Variants in HNRNPH3 observed in about 807,000 individuals in gnomAD.
HNRNPH3 encodes heterogeneous nuclear ribonucleoprotein 2H9.
In HNRNPH3, 7 loss-of-function variants were observed where a neutral mutation model predicts 47.0. That is an observed-to-expected ratio of 0.15 (90% CI 0.08 to 0.28). The LOEUF (loss-of-function observed/expected upper bound fraction) is 0.28. Among genes scored for constraint, HNRNPH3 ranks in the 10% least tolerant of loss-of-function variants. The pLI is 1.00. For missense variants in HNRNPH3, 279 were observed against 449.6 expected (o/e 0.62, Z 3.43); for synonymous variants, 120 against 143.2 (o/e 0.84, Z 1.16).
chr10:68,338,727 C>T, intron 4 of HNRNPH3, 40 bp downstream of exon 4: 1 of 1,448,100 alleles, frequency 6.9e-7, no homozygotes, highest in Non-Finnish European at 9.3e-7. Flanking sequence ...TTGTCATTTT[C>T]TTAATGTTCC....
At chr10:68,338,326 TA>T in intron 3 of HNRNPH3, 176 bp from the exon 4 acceptor site, 1 of 471,372 alleles carries the variant, frequency 2.1e-6, no homozygotes, top group Non-Finnish European at 3.7e-6. Context: ...AATTTCTTTG[TA>T]AAACTTAAAT....
intron 8 of HNRNPH3, 22 bp downstream of exon 8, chr10:68,341,702 T>C (rs369776657): frequency 6.9e-6 from 11 of 1,596,972 alleles, no homozygotes; most frequent in East Asian, 2.2e-5. Flanking sequence ...TTTTAAAATA[T>C]GCAGGGTTAG....
chr10:68,341,266 T>G lies in HNRNPH3; in HGVS notation c.732T>G (p.His244Gln). ...TGEADVEFVT[H>Q]EDAVAAMSKD... ...AAGCAGATGTAGAGTTTGTGACACA[T>G]GAAGATGCAGTAGCTGCCATGTCTA... is the stretch of plus-strand genomic sequence containing the variant. The change falls in exon 7 of 10, where the codon CAT becomes CAG. Residue 244 changes from histidine (H) to glutamine (Q), a missense_variant. By Grantham distance (24) the His-to-Gln change is conservative. Around this residue, in one of 2 missense-constraint regions of HNRNPH3, gnomAD observed 239 missense variants for 335.8 expected, o/e 0.71. Transcript: ENST00000265866. The G allele has an allele frequency of 6.2e-7, 1 of 1,606,690 alleles. No individual in the cohort carries two copies. Among genetic ancestry groups the G allele is most frequent in the Non-Finnish European group, 8.5e-7 (1 of 1,178,242 alleles).
chr10:68,331,926 A>C (rs988888365), upstream of HNRNPH3: 1 of 152,252 alleles, frequency 6.6e-6, no homozygotes, highest in African/African-American at 2.4e-5. Flanking sequence ...TGCGCAACCC[A>C]CCACCGCGCA....
chr10:68,331,894 G>C (rs28365926), upstream of HNRNPH3: 9,897 of 152,384 alleles, frequency 0.065, 484 homozygotes, highest in East Asian at 0.19. Context: ...GCCTCTGCTC[G>C]GTCTACCTCG....
rs1379948619 is a variant in HNRNPH3, at chr10:68,342,775, G to C, written c.*721G>C. Reference sequence around the variant, plus strand: ...AATTGATAGTTGCAGGTTATCGCAAGATGTCTTAGAGTAGGGTTAAGGTTC... The same window carrying C: ...AATTGATAGTTGCAGGTTATCGCAACATGTCTTAGAGTAGGGTTAAGGTTC... On this transcript the variant is annotated 3_prime_UTR_variant, in exon 10 of 10. Transcript: ENST00000265866. The C allele has an allele frequency of 2.6e-5, 4 of 152,610 alleles. No homozygotes were observed. The highest frequency in any genetic ancestry group is 4.4e-5 in the Non-Finnish European group (3 of 68,040). The allele number at this position is 152,610 out of a possible 1,614,324, so 9.5% of individuals were successfully genotyped here. A position where few individuals can be genotyped will look rare whatever the true frequency, so the allele number is the denominator to read the frequency against.
At chr10:68,333,471 GCATT>G (rs1444015398) in intron 1 of HNRNPH3, among the ~76,000 whole-genome samples, 1 of 151,872 alleles carries the variant, frequency 6.6e-6, no homozygotes, top group Admixed American at 6.6e-5. Context: ...TTTTCCGATG[GCATT>G]AAGGCTCTAG....
In HNRNPH3 at chr10:68,341,972, C is replaced by G; in HGVS notation, c.965-6C>G. 6.2e-7 allele frequency: 1 copy of G among 1,613,498 alleles called. No individual in the cohort carries two copies. The highest frequency in any genetic ancestry group is 8.5e-7 in the Non-Finnish European group (1 of 1,179,648). On this transcript the variant is annotated splice_region_variant and splice_polypyrimidine_tract_variant and intron_variant, in intron 9 of 9. Transcript: ENST00000265866. ...GCTGAGTGATTCTTAATATCTTTTTCTTAAGGCCGTGGTGGTGGAGGCAGT... is the reference window on the plus strand; with the variant it reads ...GCTGAGTGATTCTTAATATCTTTTTGTTAAGGCCGTGGTGGTGGAGGCAGT...
intron 6 of HNRNPH3, 146 bp downstream of exon 6, chr10:68,339,701 A>G (rs2045750892): frequency 3.5e-6 from 2 of 579,568 alleles, no homozygotes; most frequent in South Asian, 2.0e-5. Context: ...TTTTTTTGAG[A>G]TGGAGTCTTG....
chr10:68,332,896 A>G (rs1249616472), intron 1 of HNRNPH3: 1 of 152,226 alleles, frequency 6.6e-6, no homozygotes, highest in Non-Finnish European at 1.5e-5. Context: ...CAAATCCAGG[A>G]CAAAGGAGGC....
At chr10:68,341,518 A>C (rs752010775) in intron 7 of HNRNPH3, 67 bp from the exon 8 acceptor site, 1 of 1,168,276 alleles carries the variant, frequency 8.6e-7, no homozygotes, top group Non-Finnish European at 1.3e-6. Flanking sequence ...TTTTTTACAA[A>C]GCTTGTATTG....
Position 68,338,626 on chromosome 10 carries a change from T to C in HNRNPH3, c.375T>C (p.Tyr125=), listed in dbSNP as rs774701496. 6.2e-7 allele frequency: 1 copy of C among 1,612,706 alleles called. No individual in the cohort carries two copies. The change falls in exon 4 of 10, where the codon TAT becomes TAC. Residue 125 remains tyrosine, a synonymous_variant. Coordinates refer to ENST00000265866, the MANE Select transcript of HNRNPH3 (RefSeq NM_012207.3). ...CAATAGGAGGAAGAGGGGGTTATTA[T>C]GGAGCTGGGCGTGGAAGTATGTATG... ...DRPIGGRGGY[Y]GAGRGSMYDR...
At chr10:68,332,895 G>A (rs2045272281) in intron 1 of HNRNPH3, 1 of 152,244 alleles carries the variant, frequency 6.6e-6, no homozygotes, top group Non-Finnish European at 1.5e-5. Flanking sequence ...CCAAATCCAG[G>A]ACAAAGGAGG....
chr10:68,337,212 C>T lies in HNRNPH3; in HGVS notation c.-10C>T, dbSNP rs771983940. 5.4e-6 allele frequency: 8 copies of T among 1,493,386 alleles called. No homozygotes were observed. Among genetic ancestry groups the T allele is most frequent in the Non-Finnish European group, 7.5e-6 (8 of 1,073,046 alleles). The allele number at this position is 1,493,386 out of a possible 1,614,324, so 92.5% of individuals were successfully genotyped here. On this transcript the variant is annotated 5_prime_UTR_variant, in exon 2 of 10. The change creates a new upstream start codon in the 5' untranslated region. Transcript: ENST00000265866. The surrounding 1 kb of genome is among the most constrained non-coding windows in gnomAD (Gnocchi z 4.5). ...TATTTTTTATAGCATTTAAATCAAA[C>T]GGTATTGAGATGGATTGGGTTATGA...
At chr10:68,332,886 C>T (rs1020702679) in intron 1 of HNRNPH3, 10 of 152,258 alleles carry the variant, frequency 6.6e-5, no homozygotes, top group South Asian at 2.1e-4. Context: ...GCTCAACTCC[C>T]AAATCCAGGA....
Position 68,337,359 on chromosome 10 carries a change from A to G in HNRNPH3, c.112+26A>G. 3 of 1,244,826 alleles carry G rather than the reference A, an allele frequency of 2.4e-6. No homozygotes were observed. Among genetic ancestry groups the G allele is most frequent in the Non-Finnish European group, 2.4e-6 (2 of 849,004 alleles). 77.1% of individuals were successfully genotyped at this position (1,244,826 alleles called of 1,614,324 possible). A position where few individuals can be genotyped will look rare whatever the true frequency, so the allele number is the denominator to read the frequency against. On this transcript the variant is annotated intron_variant, in intron 2 of 9. Transcript: ENST00000265866. The surrounding 1 kb of genome is among the most constrained non-coding windows in gnomAD (Gnocchi z 4.5). ...GTACCTCTAGTATTAGTCAAAGTTTAGTAGTATTGTAATTTTATATTTGTA... is the reference window on the plus strand; with the variant it reads ...GTACCTCTAGTATTAGTCAAAGTTTGGTAGTATTGTAATTTTATATTTGTA...
rs996990866 is a variant in HNRNPH3, at chr10:68,337,050, G to A, written c.-23-149G>A. On this transcript the variant is annotated intron_variant, in intron 1 of 9. Transcript: ENST00000265866. This position sits in a 1 kb window ranked among gnomAD's most constrained non-coding sequence, Gnocchi z 4.5. Reference sequence around the variant, plus strand: ...TTTTCCGTACCCCAAAATATGAAAGGTGGTCTACAATTTTGTTGTGGCATT... The same window carrying A: ...TTTTCCGTACCCCAAAATATGAAAGATGGTCTACAATTTTGTTGTGGCATT... The A allele has an allele frequency of 1.0e-5, 5 of 496,784 alleles. No individual in the cohort carries two copies. Among genetic ancestry groups the A allele is most frequent in the African/African-American group, 2.0e-5 (1 of 50,522 alleles). The allele number at this position is 496,784 out of a possible 1,614,324, so 30.8% of individuals were successfully genotyped here.
At chr10:68,335,475 C>CTT (rs34001723) in intron 1 of HNRNPH3, among the ~76,000 whole-genome samples, 4 of 147,210 alleles carry the variant, frequency 2.7e-5, no homozygotes, top group African/African-American at 5.0e-5. Flanking sequence ...CATCTCTGAA[C>CTT]TTTTTTTTTT....
intron 6 of HNRNPH3, among the ~76,000 whole-genome samples, chr10:68,340,625 C>A (rs562844972): frequency 3.7e-4 from 56 of 152,338 alleles, no homozygotes; most frequent in African/African-American, 1.3e-3. Context: ...CTAGATCTTA[C>A]TGGGAATCAG....
Sources: allele counts gnomAD v4.1 joint callset (sites outside exome capture counted in the v4.1 genomes callset), GRCh38; gene constraint gnomAD v4.1.1; regional missense constraint gnomAD v4.1.1; non-coding constraint Gnocchi (gnomAD v3.1); transcripts MANE v1.5; gene names NCBI Gene and HGNC (gene_info 2026-07-23, HGNC 2026-07-21).